Variants in CARMIL1 observed in about 807,000 individuals in gnomAD.
CARMIL1 encodes capping protein regulator and myosin 1 linker 1, also known as F-actin-uncapping protein LRRC16A.
In CARMIL1, 90 loss-of-function variants were observed where a neutral mutation model predicts 177.1. The observed-to-expected ratio is 0.51, with a 90% confidence interval of 0.43 to 0.61. CARMIL1 has a LOEUF of 0.61. Ranked by LOEUF, CARMIL1 falls within the 20% of genes least tolerant of loss-of-function variation. CARMIL1 has a pLI of 0.00. For synonymous variants in CARMIL1, 577 were observed against 606.2 expected, an observed-to-expected ratio of 0.95 and a Z score of 0.71; for missense variants, 1,380 against 1,667.0, an observed-to-expected ratio of 0.83 and a Z score of 3.00.
intron 2 of CARMIL1, among the ~76,000 whole-genome samples, chr6:25,322,032 G>A (rs1164251956): frequency 6.6e-6 from 1 of 151,742 alleles, no homozygotes; most frequent in Non-Finnish European, 1.5e-5. Context: ...GGGCTCAAGA[G>A]ATGCTCCTGC....
In CARMIL1 at chr6:25,357,633, TATG is replaced by T. The variant is rs574153045; in HGVS notation, c.139-62478_139-62476del. Among the ~76,000 whole-genome samples the T allele has an allele frequency of 2.6e-3, 391 of 152,248 alleles. 2 individuals carry two copies. The highest frequency in any genetic ancestry group is 8.2e-3 in the African/African-American group (339 of 41,540). On this transcript the variant is annotated intron_variant, in intron 2 of 36. Transcript: ENST00000329474. ...CACATTTTTTTGAGTGTTATGGAGT[TATG>T]ATTCCAATTCTTTAATTTTAATAAG...
chr6:25,437,832 T>C (rs1797368730), intron 5 of CARMIL1, among the ~76,000 whole-genome samples: 1 of 152,232 alleles, frequency 6.6e-6, no homozygotes, highest in South Asian at 2.1e-4. Flanking sequence ...TATCTCGTGG[T>C]CTGGTTCTTT....
intron 4 of CARMIL1, chr6:25,433,110 A>G (rs1228905425): frequency 6.6e-6 from 1 of 152,100 alleles, no homozygotes; most frequent in Non-Finnish European, 1.5e-5. Context: ...TACATTATGC[A>G]AAGGTGGTGA....
intron 17 of CARMIL1, among the ~76,000 whole-genome samples, chr6:25,504,209 T>C (rs73393895): frequency 0.027 from 4,140 of 152,220 alleles, 145 homozygotes; most frequent in African/African-American, 0.085. Context: ...GGATAAATGA[T>C]GGTAAAAGAT....
intron 2 of CARMIL1, among the ~76,000 whole-genome samples, chr6:25,309,069 A>G (rs906236031): frequency 1.3e-5 from 2 of 152,126 alleles, no homozygotes; most frequent in African/African-American, 4.8e-5. Flanking sequence ...TATTTTGAAA[A>G]TGGAGACAGG....
chr6:25,303,180 G>A (rs947949858), intron 2 of CARMIL1, among the ~76,000 whole-genome samples: 3 of 150,014 alleles, frequency 2.0e-5, no homozygotes, highest in Non-Finnish European at 4.4e-5. Context: ...GAAAAGATTC[G>A]TTTTCTTAGG....
At chr6:25,582,009 A>G (rs987141537) in intron 31 of CARMIL1, among the ~76,000 whole-genome samples, 1 of 152,130 alleles carries the variant, frequency 6.6e-6, no homozygotes, top group Non-Finnish European at 1.5e-5. Flanking sequence ...TAGTTTACCC[A>G]TGTGTCTCTC....
chr6:25,502,754 G>A (rs977774773), intron 17 of CARMIL1, among the ~76,000 whole-genome samples: 1 of 152,126 alleles, frequency 6.6e-6, no homozygotes, highest in African/African-American at 2.4e-5. Context: ...GGTAAACTGA[G>A]GTTGAAAGAA....
chr6:25,619,470 C>G lies in CARMIL1; in HGVS notation c.4003C>G (p.Gln1335Glu), dbSNP rs764181659. 7 of 1,612,412 alleles carry G rather than the reference C, an allele frequency of 4.3e-6. No homozygotes were observed. The highest frequency in any genetic ancestry group is 5.1e-6 in the Non-Finnish European group (6 of 1,179,344). The change falls in exon 37 of 37, where the codon CAG (glutamine) becomes GAG (glutamate). Residue 1335 changes from glutamine (Q) to glutamate (E), a missense_variant. Physicochemically the swap from Gln to Glu is conservative, Grantham distance 29. Coordinates refer to ENST00000329474, the MANE Select transcript of CARMIL1 (RefSeq NM_017640.6). Reference sequence around the variant, plus strand: ...AGTTTCAAGGAGAAGCTGGGGCCAGCAGGCCCAGGAGTATCAAGAACAAAA... The same window carrying G: ...AGTTTCAAGGAGAAGCTGGGGCCAGGAGGCCCAGGAGTATCAAGAACAAAA... ...QEVSRRSWGQ[Q>E]AQEYQEQKQR...
intron 36 of CARMIL1, chr6:25,612,671 A>G (rs1307740371): frequency 1.3e-6 from 1 of 763,354 alleles, no homozygotes; most frequent in Non-Finnish European, 1.6e-6. Flanking sequence ...ATTTTTAAAT[A>G]TTAATGTCAA....
chr6:25,445,224 C>T (rs888534292), intron 5 of CARMIL1, among the ~76,000 whole-genome samples: 11 of 152,286 alleles, frequency 7.2e-5, no homozygotes, highest in Middle Eastern at 3.4e-3. Context: ...AAAGTTTTTT[C>T]GTGGATTACA....
intron 31 of CARMIL1, among the ~76,000 whole-genome samples, chr6:25,593,896 A>T (rs1814563342): frequency 6.6e-6 from 1 of 152,214 alleles, no homozygotes; most frequent in Non-Finnish European, 1.5e-5. Flanking sequence ...TAGCTTAAGC[A>T]AATCAGTATC....
At chr6:25,528,984 G>A (rs1807447607) in intron 24 of CARMIL1, 91 bp downstream of exon 24, 3 of 934,726 alleles carry the variant, frequency 3.2e-6, no homozygotes, top group South Asian at 3.2e-5. Flanking sequence ...ATTTCCAATG[G>A]GTCAATAAGA....
intron 17 of CARMIL1, among the ~76,000 whole-genome samples, chr6:25,506,018 G>T (rs1804874900): frequency 6.6e-6 from 1 of 152,128 alleles, no homozygotes; most frequent in Non-Finnish European, 1.5e-5. Context: ...GTAGAAAAAA[G>T]AGCACCAAAT....
At chr6:25,562,735 C>T (rs1403443746) in intron 29 of CARMIL1, among the ~76,000 whole-genome samples, 1 of 152,140 alleles carries the variant, frequency 6.6e-6, no homozygotes, top group East Asian at 1.9e-4. Flanking sequence ...CCAGTAGGAG[C>T]TAAACTCCTA....
intron 23 of CARMIL1, among the ~76,000 whole-genome samples, 187 bp downstream of exon 23, chr6:25,520,524 G>A (rs1806449771): frequency 6.6e-6 from 1 of 152,034 alleles, no homozygotes; most frequent in African/African-American, 2.4e-5. Flanking sequence ...AGTAAACTAA[G>A]GAACACTAAA....
intron 20 of CARMIL1, among the ~76,000 whole-genome samples, chr6:25,513,715 G>T (rs1805678875): frequency 6.6e-6 from 1 of 152,144 alleles, no homozygotes; most frequent in Non-Finnish European, 1.5e-5. Context: ...GGCTGTGTGT[G>T]GGGGCTGTCG....
chr6:25,606,025 G>A lies in CARMIL1; in HGVS notation c.3635-36G>A, dbSNP rs191109714. ...CTAGCTTCAAGTTATTGGCTTCTTT[G>A]ACCTTTGATTTTTAAAGTGGCCTTT... On this transcript the variant is annotated intron_variant, in intron 34 of 36. Transcript: ENST00000329474. 8 of 1,508,276 alleles carry A rather than the reference G, an allele frequency of 5.3e-6. No individual in the cohort carries two copies. In the East Asian group the frequency reaches 1.6e-4, roughly 30 times the overall value. The allele number at this position is 1,508,276 out of a possible 1,614,324, so 93.4% of individuals were successfully genotyped here. A position where few individuals can be genotyped will look rare whatever the true frequency, so the allele number is the denominator to read the frequency against.
chr6:25,432,121 C>T (rs545097046), intron 4 of CARMIL1, among the ~76,000 whole-genome samples: 4 of 152,262 alleles, frequency 2.6e-5, no homozygotes, highest in South Asian at 4.1e-4. Flanking sequence ...TATACATCCG[C>T]GGTGGACGTT....
Sources: gnomAD v4.1 joint callset for allele counts (sites outside exome capture counted in the v4.1 genomes callset) on GRCh38, gnomAD v4.1.1 for gene constraint, MANE v1.5 for transcripts, NCBI Gene and HGNC (gene_info 2026-07-23, HGNC 2026-07-21) for gene names.